TBC1D1: variants seen among roughly 807,000 people sequenced by gnomAD.
TBC1D1 encodes the protein TBC1 (tre-2/USP6, BUB2, cdc16) domain family, member 1.
A neutral mutation model predicts 125.6 loss-of-function variants in TBC1D1; 89 were observed. The ratio of observed to expected loss-of-function variants is 0.71; its 90% confidence interval spans 0.60 to 0.85. The LOEUF is 0.85. Among genes scored for constraint, TBC1D1 ranks in the 40% least tolerant of loss-of-function variants. TBC1D1 has a pLI of 0.00. For missense variants in TBC1D1, 1,377 were observed against 1,469.2 expected, an observed-to-expected ratio of 0.94 and a Z score of 1.03; for synonymous variants, 565 against 564.1, an observed-to-expected ratio of 1.00 and a Z score of -0.02.
intron 16 of TBC1D1, among the ~76,000 whole-genome samples, chr4:38,116,856 T>A (rs1206205239): frequency 6.6e-6 from 1 of 152,200 alleles, no homozygotes; most frequent in Non-Finnish European, 1.5e-5. Context: ...TGGGAGGGAA[T>A]ACATTAGAGC....
chr4:38,020,655 A>C lies in TBC1D1; in HGVS notation c.1037A>C (p.His346Pro). 6.2e-7 allele frequency: 1 copy of C among 1,613,182 alleles called. No homozygotes were observed. The highest frequency in any genetic ancestry group is 1.1e-5 in the South Asian group (1 of 91,072). Residue 346 changes from histidine to proline, a missense_variant, in exon 5 of 20, where the codon CAT becomes CCT. Transcript: ENST00000261439. ...GAGTCTTCCGGAGGTGGCGGCTTTC[A>C]TTTTGTCTGTTACGTGTTTCAGTGC...
At chr4:38,120,642 T>G (rs1309658910) in intron 17 of TBC1D1, among the ~76,000 whole-genome samples, 1 of 152,238 alleles carries the variant, frequency 6.6e-6, no homozygotes, top group Non-Finnish European at 1.5e-5. Context: ...TATCTGCTCC[T>G]TGGAGGGGCG....
chr4:37,896,356 C>A (rs1714623009), intron 1 of TBC1D1, among the ~76,000 whole-genome samples: 1 of 152,100 alleles, frequency 6.6e-6, no homozygotes, highest in Non-Finnish European at 1.5e-5. Context: ...AAAGGGGGTT[C>A]CCAATAAGCA....
intron 12 of TBC1D1, among the ~76,000 whole-genome samples, chr4:38,069,382 A>T (rs150098278): frequency 1.2e-4 from 18 of 152,336 alleles, no homozygotes; most frequent in African/African-American, 3.1e-4. Flanking sequence ...GGGAACGCTC[A>T]GGAAGCAGAT....
At chr4:37,923,628 A>T (rs529356112) in intron 2 of TBC1D1, among the ~76,000 whole-genome samples, 1 of 150,894 alleles carries the variant, frequency 6.6e-6, no homozygotes, top group Admixed American at 6.6e-5. Context: ...AGTTGTAACC[A>T]CAAAAGCCTT....
chr4:38,055,298 T>C (rs1751502825), intron 12 of TBC1D1, among the ~76,000 whole-genome samples: 1 of 152,180 alleles, frequency 6.6e-6, no homozygotes, highest in African/African-American at 2.4e-5. Context: ...AAGCGTGGGC[T>C]TCGGAGTCTG....
chr4:37,967,226 G>A (rs997800599), intron 2 of TBC1D1, among the ~76,000 whole-genome samples: 24 of 152,304 alleles, frequency 1.6e-4, no homozygotes, highest in African/African-American at 4.6e-4. Flanking sequence ...CGGGCACAGT[G>A]GCTCACATCT....
rs59557310 is a variant in TBC1D1, at chr4:37,945,512, C to CAAAAAA, written c.417+43034_417+43039dup. On this transcript the variant is annotated intron_variant, in intron 2 of 19. Coordinates refer to ENST00000261439, the MANE Select transcript of TBC1D1 (RefSeq NM_015173.4). ...TGGGCAACAGAGAGAGACTCCACCTCAAAAAAAAAAAAAAAAAAAAAAAAA... is the reference window on the plus strand; with the variant it reads ...TGGGCAACAGAGAGAGACTCCACCTCAAAAAAAAAAAAAAAAAAAAAAAAAAAAAAA... Among the ~76,000 whole-genome samples the CAAAAAA allele has an allele frequency of 1.6e-3, 33 of 20,694 alleles. 5 individuals carry two copies. The highest frequency in any genetic ancestry group is 0.015 in the East Asian group (11 of 714). The allele number at this position is 20,694 out of a possible 152,430, so 13.6% of individuals were successfully genotyped here. A position where few individuals can be genotyped will look rare whatever the true frequency, so the allele number is the denominator to read the frequency against.
chr4:37,982,017 G>A (rs1489237920), intron 2 of TBC1D1, among the ~76,000 whole-genome samples: 5 of 152,190 alleles, frequency 3.3e-5, no homozygotes, highest in Admixed American at 6.5e-5. Context: ...GCAAATAACC[G>A]AGTAACTAAT....
At position 38,014,815 on chromosome 4, in the gene TBC1D1, C is replaced by T. The variant is rs778277850; in HGVS notation, c.724C>T (p.Arg242Cys). 4.3e-6 allele frequency: 7 copies of T among 1,610,760 alleles called. No homozygotes were observed. The highest frequency in any genetic ancestry group is 2.2e-5 in the South Asian group (2 of 91,006). Residue 242 changes from arginine (R) to cysteine (C), a missense_variant, in exon 3 of 20, where the codon CGC (arginine) becomes TGC (cysteine). Physicochemically the swap from Arg to Cys is radical, Grantham distance 180. Coordinates refer to ENST00000261439, the MANE Select transcript of TBC1D1 (RefSeq NM_015173.4). This position sits in a 1 kb window ranked among gnomAD's most constrained non-coding sequence, Gnocchi z 5.1. ...CAAGTCCTTCTCCCAGCCCGGCCTG[C>T]GCTCGCTGGCCTTTAGGAAGGAGCT... is the stretch of plus-strand genomic sequence containing the variant.
At chr4:37,948,465 G>GA (rs1221318711) in intron 2 of TBC1D1, among the ~76,000 whole-genome samples, 1 of 151,834 alleles carries the variant, frequency 6.6e-6, no homozygotes, top group African/African-American at 2.4e-5. Context: ...TGTCTCTACT[G>GA]AAAATACGAA....
At chr4:37,900,279 C>T (rs984149289) in intron 1 of TBC1D1, among the ~76,000 whole-genome samples, 1 of 151,930 alleles carries the variant, frequency 6.6e-6, no homozygotes, top group African/African-American at 2.4e-5. Context: ...ATCCCTAGGG[C>T]AAACCAGGCC....
intron 2 of TBC1D1, among the ~76,000 whole-genome samples, chr4:37,991,314 G>A (rs1024459517): frequency 1.3e-5 from 2 of 152,238 alleles, no homozygotes; most frequent in African/African-American, 4.8e-5. Flanking sequence ...TGGCTTGGGT[G>A]TGGGTGTTAA....
chr4:37,946,068 A>G (rs1461663041), intron 2 of TBC1D1, among the ~76,000 whole-genome samples: 1 of 152,230 alleles, frequency 6.6e-6, no homozygotes, highest in East Asian at 1.9e-4. Flanking sequence ...TGGCTCTTTA[A>G]AAGAAGGTAC....
chr4:38,013,510 A>C (rs897601908), intron 2 of TBC1D1, among the ~76,000 whole-genome samples: 21 of 152,236 alleles, frequency 1.4e-4, no homozygotes, highest in Non-Finnish European at 2.5e-4. Flanking sequence ...AGGTCATAAC[A>C]AAAAGTAGGC....
chr4:38,035,023 C>T lies in TBC1D1; in HGVS notation c.1303-565C>T, dbSNP rs573273009. On this transcript the variant is annotated intron_variant, in intron 7 of 19. Transcript: ENST00000261439. ...ATGTCCTGACTTCTGGTCCAGTGTG[C>T]TGTGCCACGACCCTGTCTAAAAGTT... 3.3e-5 allele frequency among the ~76,000 whole-genome samples: 5 copies of T among 152,296 alleles called. No individual in the cohort carries two copies. In the East Asian group the frequency reaches 9.6e-4, roughly 29 times the overall value.
rs369031940 is a variant in TBC1D1, at chr4:37,917,091, T to C, written c.417+14579T>C. ...TGGCCTGCTGCTATGTTTTGTATGTTGCCACAGAGTGTCTGAGTATCTCAC... is the reference window on the plus strand; with the variant it reads ...TGGCCTGCTGCTATGTTTTGTATGTCGCCACAGAGTGTCTGAGTATCTCAC... On this transcript the variant is annotated intron_variant, in intron 2 of 19. Transcript: ENST00000261439. Among the ~76,000 whole-genome samples, 310 of 152,074 alleles carry C rather than the reference T, an allele frequency of 2.0e-3. 1 individual carries two copies. Among genetic ancestry groups the C allele is most frequent in the African/African-American group, 7.2e-3 (298 of 41,510 alleles).
At position 38,115,846 on chromosome 4, in the gene TBC1D1, C is replaced by T. The variant is rs769323360; in HGVS notation, c.2694C>T (p.Gly898=). 13 of 1,614,032 alleles carry T rather than the reference C, an allele frequency of 8.1e-6. No individual in the cohort carries two copies. The highest frequency in any genetic ancestry group is 1.7e-6 in the Non-Finnish European group (2 of 1,180,036). ...GCCAAGGTCTCAGCTTTGTAGCAGG[C>T]ATTTTGCTTCTTCATATGAGTGAGG... is the stretch of plus-strand genomic sequence containing the variant. Residue 898 remains glycine, a synonymous_variant, in exon 16 of 20, where the codon GGC becomes GGT. Transcript: ENST00000261439.
intron 15 of TBC1D1, chr4:38,110,548 A>G (rs1300436216): frequency 1.0e-6 from 1 of 985,346 alleles, no homozygotes; most frequent in African/African-American, 1.7e-5. Flanking sequence ...ATTGTGGATC[A>G]TCTTGTAGGC....
Sources: allele counts gnomAD v4.1 joint callset (sites outside exome capture counted in the v4.1 genomes callset), GRCh38; gene constraint gnomAD v4.1.1; non-coding constraint Gnocchi (gnomAD v3.1); transcripts MANE v1.5; gene names NCBI Gene and HGNC (gene_info 2026-07-23, HGNC 2026-07-21).